NT5C3A: variants seen among roughly 807,000 people sequenced by gnomAD.
The protein encoded by NT5C3A is cytosolic 5'-nucleotidase 3A.
Under a neutral mutation model 40.0 loss-of-function variants are expected in NT5C3A, and 23 were observed. The ratio of observed to expected loss-of-function variants is 0.58; its 90% CI spans 0.41 to 0.81. The LOEUF (loss-of-function observed/expected upper bound fraction) is 0.81. Ranked by LOEUF, NT5C3A falls within the 40% of genes least tolerant of loss-of-function variation. The pLI is 0.00. For missense variants in NT5C3A, 328 were observed against 403.0 expected (o/e 0.81, Z 1.59); for synonymous variants, 130 against 141.4 (o/e 0.92, Z 0.57).
chr7:33,014,580 A>G lies in NT5C3A; in HGVS notation c.*150T>C. 1 of 1,117,952 alleles carries G rather than the reference A, an allele frequency of 8.9e-7. No homozygotes were observed. Among genetic ancestry groups the G allele is most frequent in the Middle Eastern group, 2.9e-4 (1 of 3,438 alleles). The allele number at this position is 1,117,952 out of a possible 1,614,324, so 69.3% of individuals were successfully genotyped here. A position where few individuals can be genotyped will look rare whatever the true frequency, so the allele number is the denominator to read the frequency against. On this transcript the variant is annotated 3_prime_UTR_variant, in exon 9 of 9. Transcript: ENST00000610140. ...AGGTGGAGAAAAGGAGCTTCCAGTC[A>G]ATGCATTCACCATATCTGAAAATAC...
At chr7:33,041,179 A>G (rs565711209) in intron 1 of NT5C3A, 1 of 978,336 alleles carries the variant, frequency 1.0e-6, no homozygotes, top group Non-Finnish European at 1.2e-6. Flanking sequence ...GAACCTCTAC[A>G]CTAACACTTA....
At position 33,056,820 on chromosome 7, in the gene NT5C3A, G is replaced by GT. The variant is rs928008895; in HGVS notation, c.138+5747dup. Among the ~76,000 whole-genome samples the GT allele has an allele frequency of 3.9e-5, 6 of 151,930 alleles. No individual in the cohort carries two copies. In the East Asian group the frequency reaches 5.8e-4, roughly 15 times the overall value. On this transcript the variant is annotated intron_variant, in intron 1 of 8. Coordinates refer to ENST00000610140, the MANE Select transcript of NT5C3A (RefSeq NM_001002010.5). ...CCAGAAAACATGTGATATTTTCTTT[G>GT]TTTTTTTTGAGATGGAGTTTTGCTC...
intron 1 of NT5C3A, among the ~76,000 whole-genome samples, chr7:33,056,469 C>A (rs1318534822): frequency 5.6e-5 from 5 of 89,048 alleles, no homozygotes; most frequent in East Asian, 3.1e-4. Context: ...GACCCCGTCT[C>A]TACCAAAAAA....
intron 1 of NT5C3A, chr7:33,045,744 A>G (rs1787117896): frequency 6.6e-6 from 1 of 151,042 alleles, no homozygotes; most frequent in African/African-American, 2.4e-5. Context: ...GGCGTGAGCC[A>G]CCGCACCCGG....
At chr7:33,054,737 T>C (rs1412150584) in intron 1 of NT5C3A, among the ~76,000 whole-genome samples, 4 of 152,190 alleles carry the variant, frequency 2.6e-5, no homozygotes, top group Non-Finnish European at 5.9e-5. Context: ...CTCTTAACCA[T>C]CAGAAAGCAA....
intron 1 of NT5C3A, among the ~76,000 whole-genome samples, chr7:33,052,485 CAAAAAAAAAAA>C (rs60149792): frequency 1.3e-5 from 1 of 74,220 alleles, no homozygotes; most frequent in South Asian, 5.1e-4. Flanking sequence ...GACTCGGTCT[CAAAAAAAAAAA>C]AAAAAAAAAA....
At chr7:33,055,472 T>C (rs1787534553) in intron 1 of NT5C3A, among the ~76,000 whole-genome samples, 1 of 152,210 alleles carries the variant, frequency 6.6e-6, no homozygotes. Context: ...CAGAAAACAA[T>C]TCTTCAACTT....
chr7:33,059,465 A>G (rs1466679575), intron 1 of NT5C3A, among the ~76,000 whole-genome samples: 1 of 152,212 alleles, frequency 6.6e-6, no homozygotes, highest in East Asian at 1.9e-4. Context: ...GGCTAATAAT[A>G]TAACCAGAAT....
At chr7:33,015,144 C>T (rs1785252030) in intron 8 of NT5C3A, among the ~76,000 whole-genome samples, 1 of 152,090 alleles carries the variant, frequency 6.6e-6, no homozygotes, top group East Asian at 1.9e-4. Flanking sequence ...TGCTATCCAG[C>T]ATCTAGTGGG....
chr7:33,045,706 C>G (rs1056334723), intron 1 of NT5C3A: 1 of 152,270 alleles, frequency 6.6e-6, no homozygotes, highest in African/African-American at 2.4e-5. Flanking sequence ...ATCCGCCCAC[C>G]TTGGCCTCCC....
At chr7:33,061,780 G>A (rs1787788676) in intron 1 of NT5C3A, among the ~76,000 whole-genome samples, 1 of 152,152 alleles carries the variant, frequency 6.6e-6, no homozygotes, top group Non-Finnish European at 1.5e-5. Flanking sequence ...AAATACATAA[G>A]CGTGCAAGTT....
At chr7:33,059,723 T>C (rs1787704939) in intron 1 of NT5C3A, among the ~76,000 whole-genome samples, 1 of 152,188 alleles carries the variant, frequency 6.6e-6, no homozygotes, top group Non-Finnish European at 1.5e-5. Context: ...AAAACTAGAT[T>C]CAAAACTAGG....
At chr7:33,045,285 T>C (rs1169679274) in intron 1 of NT5C3A, among the ~76,000 whole-genome samples, 2 of 152,198 alleles carry the variant, frequency 1.3e-5, no homozygotes, top group African/African-American at 4.8e-5. Flanking sequence ...GTGACTTCTC[T>C]TCAAACTTCC....
rs1787797868 is a variant in NT5C3A at position 33,062,058 on chromosome 7, T to C, written c.138+510A>G. 1.3e-5 allele frequency among the ~76,000 whole-genome samples: 2 copies of C among 152,332 alleles called. 1 individual carries two copies. The highest frequency in any genetic ancestry group is 6.8e-3 in the Middle Eastern group (2 of 294). On this transcript the variant is annotated intron_variant, in intron 1 of 8. Coordinates refer to ENST00000610140, the MANE Select transcript of NT5C3A (RefSeq NM_001002010.5). ...AATTTCTCCTGGATTGCCATTCTTG[T>C]AAAATTTTAGATATTGCACATTTTC...
chr7:33,045,365 A>G (rs1193827551), intron 1 of NT5C3A, among the ~76,000 whole-genome samples: 4 of 152,220 alleles, frequency 2.6e-5, no homozygotes, highest in Non-Finnish European at 5.9e-5. Flanking sequence ...GGTACTATAA[A>G]TGTTTATATG....
intron 1 of NT5C3A, among the ~76,000 whole-genome samples, chr7:33,056,681 T>G (rs1241475328): frequency 6.6e-6 from 1 of 151,784 alleles, no homozygotes; most frequent in Non-Finnish European, 1.5e-5. Flanking sequence ...AAAAATAAAA[T>G]AAAATAAAGT....
intron 1 of NT5C3A, among the ~76,000 whole-genome samples, chr7:33,030,873 G>A (rs890780359): frequency 2.6e-5 from 4 of 152,070 alleles, no homozygotes; most frequent in Non-Finnish European, 5.9e-5. Flanking sequence ...GCTGAGGCGG[G>A]CGGATCACGA....
At chr7:33,054,197 T>C (rs1372184005) in intron 1 of NT5C3A, among the ~76,000 whole-genome samples, 3 of 151,452 alleles carry the variant, frequency 2.0e-5, no homozygotes, top group Non-Finnish European at 4.4e-5. Context: ...CTACAAAAAA[T>C]ACAAAAATAA....
At chr7:33,026,753 C>A in intron 2 of NT5C3A, 64 bp downstream of exon 2, 1 of 1,144,584 alleles carries the variant, frequency 8.7e-7, no homozygotes. Context: ...TTCAGTCTCC[C>A]AAAGTGCTGG....
Sources: gnomAD v4.1 joint callset for allele counts (sites outside exome capture counted in the v4.1 genomes callset) on GRCh38, gnomAD v4.1.1 for gene constraint, MANE v1.5 for transcripts, NCBI Gene and HGNC (gene_info 2026-07-23, HGNC 2026-07-21) for gene names.